P2RY8: variants seen among roughly 807,000 people sequenced by gnomAD.
P2RY8 encodes the protein S-geranylgeranyl-glutathione receptor P2RY8.
In P2RY8, 6 loss-of-function variants were observed where a neutral mutation model predicts 10.0. That is an observed-to-expected ratio of 0.60 (90% CI 0.33 to 1.19). The LOEUF (loss-of-function observed/expected upper bound fraction) is 1.19. Ranked by LOEUF, P2RY8 falls within the 50% of genes most tolerant of loss-of-function variation. The probability of loss-of-function intolerance (pLI) is 0.04; values close to 1 mark genes in which losing one functional copy is unlikely to be tolerated. For synonymous variants in P2RY8, 276 were observed against 252.5 expected (o/e 1.09, Z -0.88); for missense variants, 456 against 542.0 (o/e 0.84, Z 1.58).
At chrX:1,511,630 C>T (rs1474160185) in intron 1 of P2RY8, among the ~76,000 whole-genome samples, 1 of 152,184 alleles carries the variant, frequency 6.6e-6, no homozygotes, top group Non-Finnish European at 1.5e-5. Flanking sequence ...AACTGTCCTC[C>T]CACTTCAACC....
rs1357669719 is a variant in P2RY8 at position 1,474,904 on chromosome X, G to GGATGGATT, written c.-24-8323_-24-8322insAATCCATC. Among the ~76,000 whole-genome samples, 351 of 144,676 alleles carry GGATGGATT rather than the reference G, an allele frequency of 2.4e-3. 1 individual carries two copies. The highest frequency in any genetic ancestry group is 8.9e-3 in the African/African-American group (343 of 38,542). 94.9% of individuals were successfully genotyped at this position (144,676 alleles called of 152,430 possible). On this transcript the variant is annotated intron_variant, in intron 1 of 1. Coordinates refer to ENST00000381297, the MANE Select transcript of P2RY8 (RefSeq NM_178129.5). ...TGGATGGATGGATGGATGGATGGAT[G>GGATGGATT]GATAAGTGGGTGGGTGGATGGATGA...
At chrX:1,522,098 A>C (rs1166626950) in intron 1 of P2RY8, among the ~76,000 whole-genome samples, 13 of 151,126 alleles carry the variant, frequency 8.6e-5, no homozygotes, top group Non-Finnish European at 1.8e-4. Flanking sequence ...GATTACAGGC[A>C]TGCACCACCA....
rs201058256 is a variant in P2RY8, at chrX:1,465,551, C to G, written c.1008G>C (p.Glu336Asp). The change falls in exon 2 of 2, where the codon GAG becomes GAC. Residue 336 changes from glutamate (E) to aspartate (D), a missense_variant. Physicochemically the swap from Glu to Asp is conservative, Grantham distance 45 (BLOSUM62 2). Coordinates refer to ENST00000381297, the MANE Select transcript of P2RY8 (RefSeq NM_178129.5). ...CCATCCCTTCAGGGTGCGCACCGGC[C>G]TCGGAGCGCACGGACGTGGTCCTGG... ...FSARTTSVRSEAGAHPEGMEG... is the reference protein window; with the variant it reads ...FSARTTSVRSDAGAHPEGMEG... 2 of 1,612,402 alleles carry G rather than the reference C, an allele frequency of 1.2e-6. No homozygotes were observed. Among genetic ancestry groups the G allele is most frequent in the Non-Finnish European group, 1.7e-6 (2 of 1,179,752 alleles).
intron 1 of P2RY8, among the ~76,000 whole-genome samples, chrX:1,506,182 G>A (rs746348608): frequency 6.6e-5 from 10 of 151,844 alleles, no homozygotes; most frequent in African/African-American, 2.4e-4. Flanking sequence ...TAGTAGAGAC[G>A]GGGTTTTGCC....
At chrX:1,484,724 T>A (rs868441740) in intron 1 of P2RY8, among the ~76,000 whole-genome samples, 26 of 16,784 alleles carry the variant, frequency 1.5e-3, no homozygotes, top group Non-Finnish European at 1.7e-3. Flanking sequence ...CAAAACCCTG[T>A]AAAAAAAAAA....
intron 1 of P2RY8, among the ~76,000 whole-genome samples, chrX:1,533,076 A>T (rs2092492463): frequency 2.0e-5 from 3 of 150,258 alleles, no homozygotes; most frequent in Non-Finnish European, 3.0e-5. Context: ...GACTTTGGGA[A>T]CTCCAGGGCA....
At chrX:1,487,930 G>A (rs751125301) in intron 1 of P2RY8, among the ~76,000 whole-genome samples, 1 of 152,260 alleles carries the variant, frequency 6.6e-6, no homozygotes, top group South Asian at 2.1e-4. Context: ...CTAACACGGT[G>A]AAACCCCGTC....
At chrX:1,533,251 C>T (rs1209405336) in intron 1 of P2RY8, among the ~76,000 whole-genome samples, 1 of 150,000 alleles carries the variant, frequency 6.7e-6, no homozygotes, top group Non-Finnish European at 1.5e-5. Flanking sequence ...AAGTGTAAAA[C>T]AAACCAACAA....
chrX:1,494,462 G>A (rs2092097611), intron 1 of P2RY8: 1 of 152,088 alleles, frequency 6.6e-6, no homozygotes, highest in Non-Finnish European at 1.5e-5. Flanking sequence ...TGGGCCCCAG[G>A]GAGCGAGGTC....
At chrX:1,521,270 T>C (rs1392392454) in intron 1 of P2RY8, among the ~76,000 whole-genome samples, 7 of 151,980 alleles carry the variant, frequency 4.6e-5, no homozygotes, top group Non-Finnish European at 8.8e-5. Flanking sequence ...ATGGTCTCCA[T>C]CTCCTGACCT....
chrX:1,502,569 C>A (rs760563710), intron 1 of P2RY8, among the ~76,000 whole-genome samples: 2 of 152,332 alleles, frequency 1.3e-5, no homozygotes, highest in South Asian at 2.1e-4. Flanking sequence ...ACCTGCAAAC[C>A]CAGATCGAGG....
chrX:1,463,046 C>T lies in P2RY8; in HGVS notation c.*2433G>A, dbSNP rs1183802958. 2 of 232,950 alleles carry T rather than the reference C, an allele frequency of 8.6e-6. No individual in the cohort carries two copies. Among genetic ancestry groups the T allele is most frequent in the Non-Finnish European group, 1.7e-5 (2 of 118,022 alleles). The allele number at this position is 232,950 out of a possible 1,614,324, so 14.4% of individuals were successfully genotyped here. ...CTTTGCTGGGGGACGTCAGGGTTCT[C>T]GCACGTTGTCGAGGAAGGATATTGT... On this transcript the variant is annotated 3_prime_UTR_variant, in exon 2 of 2. Transcript: ENST00000381297.
chrX:1,528,098 A>G (rs191983268), intron 1 of P2RY8, among the ~76,000 whole-genome samples: 1 of 152,330 alleles, frequency 6.6e-6, no homozygotes, highest in East Asian at 1.9e-4. Context: ...ACCTGGAGAC[A>G]GAATGCCTCC....
chrX:1,470,519 C>A (rs1233309415), intron 1 of P2RY8, among the ~76,000 whole-genome samples: 1 of 151,992 alleles, frequency 6.6e-6, no homozygotes, highest in Non-Finnish European at 1.5e-5. Context: ...AACTCCATCT[C>A]AAAACAAAAC....
At chrX:1,493,454 A>AGGT (rs2092085361) in intron 1 of P2RY8, among the ~76,000 whole-genome samples, 1 of 68,618 alleles carries the variant, frequency 1.5e-5, no homozygotes, top group African/African-American at 4.4e-5. Context: ...AGGAAGGAGG[A>AGGT]AGGAGGGAGG....
At chrX:1,502,833 C>T (rs5948923) in intron 1 of P2RY8, among the ~76,000 whole-genome samples, 117,767 of 138,960 alleles carry the variant, frequency 0.85, 49,229 homozygotes, top group Non-Finnish European at 0.91. Flanking sequence ...CCTGGAATGA[C>T]GCGGCCACAA....
At chrX:1,483,264 C>G (rs774602024) in intron 1 of P2RY8, among the ~76,000 whole-genome samples, 7 of 152,060 alleles carry the variant, frequency 4.6e-5, no homozygotes, top group Non-Finnish European at 7.4e-5. Flanking sequence ...GAGAAGAAAC[C>G]GAGACGGTCT....
intron 1 of P2RY8, among the ~76,000 whole-genome samples, chrX:1,471,354 TTCA>T (rs1429733309): frequency 3.6e-5 from 4 of 112,546 alleles, no homozygotes; most frequent in Non-Finnish European, 7.0e-5. Flanking sequence ...ACGACGGGGT[TTCA>T]TCATGTTGGC....
rs764280899 is a variant in P2RY8, at chrX:1,491,457, A to G, written c.-24-24875T>C. On this transcript the variant is annotated intron_variant, in intron 1 of 1. Coordinates refer to ENST00000381297, the MANE Select transcript of P2RY8 (RefSeq NM_178129.5). ...GACTTGCTTGATAAACGAATGGGTG[A>G]ATACATAAATCAATGACGTGTAGGG... 2.6e-5 allele frequency among the ~76,000 whole-genome samples: 4 copies of G among 152,360 alleles called. No individual in the cohort carries two copies. In the South Asian group the frequency reaches 8.3e-4, roughly 32 times the overall value.
Sources: allele counts gnomAD v4.1 joint callset (sites outside exome capture counted in the v4.1 genomes callset), GRCh38; gene constraint gnomAD v4.1.1; transcripts MANE v1.5; gene names NCBI Gene and HGNC (gene_info 2026-07-23, HGNC 2026-07-21).